The following SCHIP1 variants were observed in gnomAD, a reference collection of about 807,000 sequenced individuals.
SCHIP1 encodes the protein schwannomin interacting protein 1.
In SCHIP1, 8 loss-of-function variants were observed where a neutral mutation model predicts 29.7. The observed-to-expected ratio is 0.27, with a 90% confidence interval of 0.16 to 0.49. The LOEUF (loss-of-function observed/expected upper bound fraction) is 0.49. Ranked by LOEUF, SCHIP1 falls within the 20% of genes least tolerant of loss-of-function variation. SCHIP1 has a pLI of 0.99. For synonymous variants in SCHIP1, 76 were observed against 94.9 expected, an observed-to-expected ratio of 0.80 and a Z score of 1.16; for missense variants, 193 against 294.6, an observed-to-expected ratio of 0.66 and a Z score of 2.52.
At chr3:159,325,460 A>G in the SCHIP1 span, among the ~76,000 whole-genome samples, 56,365 of 151,916 alleles carry the variant, frequency 0.37, 11,534 homozygotes, top group East Asian at 0.47. Flanking sequence ...GAAAATGTTA[A>G]AACAAAATTT....
At chr3:159,326,860 C>A in the SCHIP1 span, among the ~76,000 whole-genome samples, 1 of 152,102 alleles carries the variant, frequency 6.6e-6, no homozygotes, top group Non-Finnish European at 1.5e-5. Flanking sequence ...AAACTATAAA[C>A]CCAATTGTAT....
the SCHIP1 span, among the ~76,000 whole-genome samples, chr3:159,289,401 A>C: frequency 8.1e-6 from 1 of 123,318 alleles, no homozygotes. Flanking sequence ...CAAACACATA[A>C]AGCTCTTATT....
chr3:159,847,076 G>A (rs1300854551), intron 1 of SCHIP1, among the ~76,000 whole-genome samples: 10 of 152,080 alleles, frequency 6.6e-5, no homozygotes, highest in Admixed American at 6.5e-5. Flanking sequence ...TTCAGACTTC[G>A]AGTGATTTTA....
At chr3:159,726,204 A>C in the SCHIP1 span, among the ~76,000 whole-genome samples, 4 of 152,310 alleles carry the variant, frequency 2.6e-5, no homozygotes, top group South Asian at 6.2e-4. Context: ...GGAAATACTC[A>C]GTTTGATTTC....
the SCHIP1 span, chr3:159,764,198 G>T: frequency 2.2e-6 from 1 of 448,778 alleles, no homozygotes; most frequent in Non-Finnish European, 3.9e-6. This position sits in a 1 kb window ranked among gnomAD's most constrained non-coding sequence, Gnocchi z 6.1. Flanking sequence ...CGCGCTGGTG[G>T]CTGGGCACCC....
At chr3:159,868,930 T>C (rs559885505) in intron 2 of SCHIP1, among the ~76,000 whole-genome samples, 1 of 152,212 alleles carries the variant, frequency 6.6e-6, no homozygotes, top group South Asian at 2.1e-4. Flanking sequence ...TCAGAGATCC[T>C]GTGGATCCAT....
the SCHIP1 span, among the ~76,000 whole-genome samples, chr3:159,785,271 A>T: frequency 6.6e-6 from 1 of 152,258 alleles, no homozygotes; most frequent in Non-Finnish European, 1.5e-5. Context: ...ATTAAGTATT[A>T]TTCATTTTAT....
the SCHIP1 span, among the ~76,000 whole-genome samples, chr3:159,674,558 C>G: frequency 8.0e-6 from 1 of 125,670 alleles, no homozygotes; most frequent in Admixed American, 1.0e-4. Flanking sequence ...CCATGCATAG[C>G]AGGATTTTGA....
chr3:159,774,889 A>G, the SCHIP1 span, among the ~76,000 whole-genome samples: 1 of 152,348 alleles, frequency 6.6e-6, no homozygotes, highest in Admixed American at 6.5e-5. Context: ...TTTCATATGT[A>G]TGTGTAATCA....
At chr3:159,605,825 C>T in the SCHIP1 span, among the ~76,000 whole-genome samples, 1 of 152,134 alleles carries the variant, frequency 6.6e-6, no homozygotes, top group South Asian at 2.1e-4. Context: ...GCTACAGGAT[C>T]TCAGCGGGGA....
At chr3:159,684,756 T>G in the SCHIP1 span, among the ~76,000 whole-genome samples, 186 of 148,754 alleles carry the variant, frequency 1.3e-3, no homozygotes, top group African/African-American at 4.5e-3. Flanking sequence ...GTGAGCCGAG[T>G]TTATGCCACT....
the SCHIP1 span, among the ~76,000 whole-genome samples, chr3:159,791,352 A>G: frequency 6.6e-6 from 1 of 152,262 alleles, no homozygotes; most frequent in Non-Finnish European, 1.5e-5. Flanking sequence ...TAACACAGAG[A>G]CTAGTAACGG....
chr3:159,650,848 A>T, the SCHIP1 span, among the ~76,000 whole-genome samples: 1 of 152,142 alleles, frequency 6.6e-6, no homozygotes, highest in African/African-American at 2.4e-5. Context: ...AATTTATGGG[A>T]AACATGTGGT....
chr3:159,287,818 C>T, the SCHIP1 span, among the ~76,000 whole-genome samples: 3 of 152,304 alleles, frequency 2.0e-5, no homozygotes, highest in East Asian at 5.8e-4. Context: ...CATGCTGGAT[C>T]TTAACTTCCA....
At chr3:159,483,774 G>A in the SCHIP1 span, among the ~76,000 whole-genome samples, 3 of 152,014 alleles carry the variant, frequency 2.0e-5, no homozygotes, top group African/African-American at 2.4e-5. Flanking sequence ...AGATTTGTAT[G>A]CATATATAAA....
At chr3:159,866,196 A>C in exon 2 of SCHIP1, 1 of 1,613,680 alleles carries the variant, frequency 6.2e-7, no homozygotes, top group Non-Finnish European at 8.5e-7. Flanking sequence ...TATCAGACAG[A>C]AGTTGGCACT....
the SCHIP1 span, among the ~76,000 whole-genome samples, chr3:159,656,920 G>A: frequency 6.6e-6 from 1 of 152,064 alleles, no homozygotes; most frequent in Non-Finnish European, 1.5e-5. Flanking sequence ...TGTTGTAATA[G>A]TGTATGTCCA....
At chr3:159,838,864 G>A (rs1743928656), upstream of SCHIP1, among the ~76,000 whole-genome samples, 1 of 144,802 alleles carries the variant, frequency 6.9e-6, no homozygotes, top group Non-Finnish European at 1.5e-5. Flanking sequence ...ACTCGCCACT[G>A]CACTCCAGCC....
the SCHIP1 span, among the ~76,000 whole-genome samples, chr3:159,581,511 G>T: frequency 4.6e-5 from 7 of 152,258 alleles, no homozygotes; most frequent in East Asian, 1.4e-3. Context: ...ACGCAAGGGT[G>T]GTGTTAGAGG....
Sources: allele counts gnomAD v4.1 joint callset (sites outside exome capture counted in the v4.1 genomes callset), GRCh38; gene constraint gnomAD v4.1.1; non-coding constraint Gnocchi (gnomAD v3.1); transcripts MANE v1.5; gene names NCBI Gene and HGNC (gene_info 2026-07-23, HGNC 2026-07-21).